Variants in GPC6 observed in about 807,000 individuals in gnomAD.
The protein encoded by GPC6 is glypican 6.
GPC6 carries 14 observed loss-of-function variants against 55.2 expected under a neutral mutation model. That is an observed-to-expected ratio of 0.25 (90% CI 0.17 to 0.40). GPC6 has a LOEUF of 0.40. GPC6 is among the 10% of genes least tolerant of loss of function. GPC6 has a pLI of 1.00. For missense variants in GPC6, 641 were observed against 708.5 expected, an observed-to-expected ratio of 0.90 and a Z score of 1.08; for synonymous variants, 278 against 259.6, an observed-to-expected ratio of 1.07 and a Z score of -0.68.
chr13:93,292,681 C>T (rs1878354589), intron 1 of GPC6, among the ~76,000 whole-genome samples: 1 of 151,876 alleles, frequency 6.6e-6, no homozygotes. Flanking sequence ...GTTAATTTAC[C>T]CTTAGTGATT....
chr13:93,692,673 G>T (rs1410898880), intron 2 of GPC6, among the ~76,000 whole-genome samples: 3 of 151,816 alleles, frequency 2.0e-5, no homozygotes, highest in Non-Finnish European at 4.4e-5. Flanking sequence ...TTAAATTTTT[G>T]ATGAGGAAAG....
chr13:93,473,208 C>A (rs1484968858), intron 1 of GPC6, among the ~76,000 whole-genome samples: 1 of 152,216 alleles, frequency 6.6e-6, no homozygotes, highest in Non-Finnish European at 1.5e-5. Context: ...TGTCTGCCTC[C>A]TGCTGCCGTC....
intron 1 of GPC6, among the ~76,000 whole-genome samples, chr13:93,425,655 G>A (rs1393054358): frequency 6.6e-6 from 1 of 152,194 alleles, no homozygotes; most frequent in African/African-American, 2.4e-5. Flanking sequence ...AAGAGAGTTT[G>A]TTGTGAAACC....
In GPC6 at chr13:93,494,686, A is replaced by G. The variant is rs1240891584; in HGVS notation, c.161-50577A>G. On this transcript the variant is annotated intron_variant, in intron 1 of 8. Coordinates refer to ENST00000377047, the MANE Select transcript of GPC6 (RefSeq NM_005708.5). ...CCGGTTGTTCCTTTCCATGTTTAGCACTTCCTTCAGGAGCTCTTTCAGGGC... is the reference window on the plus strand; with the variant it reads ...CCGGTTGTTCCTTTCCATGTTTAGCGCTTCCTTCAGGAGCTCTTTCAGGGC... Among the ~76,000 whole-genome samples the G allele has an allele frequency of 2.6e-5, 4 of 151,932 alleles. No homozygotes were observed. In the South Asian group the frequency reaches 6.3e-4, roughly 24 times the overall value.
intron 3 of GPC6, among the ~76,000 whole-genome samples, chr13:93,853,737 G>A (rs150687212): frequency 0.012 from 1,862 of 151,676 alleles, 15 homozygotes; most frequent in Middle Eastern, 0.017. Context: ...AATGATACAC[G>A]TTAATGTGTT....
rs79210537 is a variant in GPC6 at position 94,079,878 on chromosome 13, G to A, written c.877+51984G>A. 7.9e-3 allele frequency among the ~76,000 whole-genome samples: 1,196 copies of A among 152,258 alleles called. 16 individuals carry two copies. The highest frequency in any genetic ancestry group is 0.027 in the African/African-American group (1,105 of 41,546). On this transcript the variant is annotated intron_variant, in intron 4 of 8. Coordinates refer to ENST00000377047, the MANE Select transcript of GPC6 (RefSeq NM_005708.5). ...TTCCCCAGCTTGTATCACATTGCCT[G>A]ACACATAAGAGTGCTGCAACAAATA... is the stretch of plus-strand genomic sequence containing the variant.
chr13:93,730,172 C>G (rs1285548238), intron 2 of GPC6, among the ~76,000 whole-genome samples: 1 of 152,108 alleles, frequency 6.6e-6, no homozygotes, highest in Non-Finnish European at 1.5e-5. Flanking sequence ...CCCTCACCAT[C>G]TAGAATACAG....
chr13:93,276,491 AGAGAGTGTGTGTGTGTGTGTGT>A (rs1877752332), intron 1 of GPC6, among the ~76,000 whole-genome samples: 1 of 128,628 alleles, frequency 7.8e-6, no homozygotes, highest in South Asian at 2.6e-4. Context: ...AGAGAGAGAG[AGAGAGTGTGTGTGTGTGTGTGT>A]GTGTGTGTGT....
intron 2 of GPC6, among the ~76,000 whole-genome samples, chr13:93,820,377 C>T (rs1315442327): frequency 3.3e-5 from 5 of 151,694 alleles, no homozygotes; most frequent in South Asian, 2.1e-4. Context: ...TTAAGAGTTT[C>T]CAATACACAT....
At chr13:93,895,234 G>GTGTGTGTGTA (rs1196315147) in intron 3 of GPC6, among the ~76,000 whole-genome samples, 7 of 108,218 alleles carry the variant, frequency 6.5e-5, no homozygotes, top group Non-Finnish European at 9.6e-5. Context: ...GTGTGTGTGT[G>GTGTGTGTGTA]TATATATATA....
At chr13:93,647,347 G>T (rs1482078243) in intron 2 of GPC6, among the ~76,000 whole-genome samples, 6 of 152,098 alleles carry the variant, frequency 3.9e-5, no homozygotes, top group African/African-American at 1.4e-4. Context: ...TGCCAGATGG[G>T]CTAGTCTTGG....
intron 4 of GPC6, among the ~76,000 whole-genome samples, chr13:94,135,466 T>G (rs984504660): frequency 1.3e-5 from 2 of 152,232 alleles, no homozygotes; most frequent in Non-Finnish European, 1.5e-5. Context: ...TTTTGCATTT[T>G]CTTTATGGCT....
intron 3 of GPC6, among the ~76,000 whole-genome samples, chr13:93,955,011 T>C (rs188157416): frequency 6.6e-6 from 1 of 152,230 alleles, no homozygotes; most frequent in Admixed American, 6.5e-5. Flanking sequence ...ATCTGCCCAC[T>C]TTTGCAGACC....
At chr13:93,764,606 ACACACC>A (rs1885054686) in intron 2 of GPC6, among the ~76,000 whole-genome samples, 1 of 138,980 alleles carries the variant, frequency 7.2e-6, no homozygotes, top group African/African-American at 2.7e-5. Flanking sequence ...ACACACACAC[ACACACC>A]ACACACACTC....
intron 1 of GPC6, among the ~76,000 whole-genome samples, chr13:93,324,146 CA>C (rs1426252860): frequency 6.6e-6 from 1 of 152,128 alleles, no homozygotes; most frequent in East Asian, 1.9e-4. Flanking sequence ...TTTGCAACAA[CA>C]TGGATAGAAT....
chr13:93,577,745 A>G (rs1188319973), intron 2 of GPC6, among the ~76,000 whole-genome samples: 1 of 151,896 alleles, frequency 6.6e-6, no homozygotes, highest in East Asian at 1.9e-4. Flanking sequence ...TTCCAATCTT[A>G]TGTTAAATAA....
At chr13:94,119,974 T>C (rs891876442) in intron 4 of GPC6, among the ~76,000 whole-genome samples, 1 of 152,096 alleles carries the variant, frequency 6.6e-6, no homozygotes, top group Non-Finnish European at 1.5e-5. Context: ...TAGATGTAAA[T>C]AGCTGCAAGA....
intron 6 of GPC6, among the ~76,000 whole-genome samples, chr13:94,373,312 T>C (rs1879675541): frequency 6.6e-6 from 1 of 151,478 alleles, no homozygotes; most frequent in African/African-American, 2.4e-5. Context: ...GTTGAAAACT[T>C]TGAAAAAAAT....
intron 1 of GPC6, among the ~76,000 whole-genome samples, chr13:93,485,962 G>A (rs1879696277): frequency 6.6e-6 from 1 of 152,128 alleles, no homozygotes; most frequent in African/African-American, 2.4e-5. Context: ...GAATTAAGAA[G>A]AGAAAATGAC....
Sources: allele counts gnomAD v4.1 joint callset (sites outside exome capture counted in the v4.1 genomes callset), GRCh38; gene constraint gnomAD v4.1.1; transcripts MANE v1.5; gene names NCBI Gene and HGNC (gene_info 2026-07-23, HGNC 2026-07-21).